ATP6V1H: variants seen among roughly 807,000 people sequenced by gnomAD.
The protein encoded by ATP6V1H is ATPase H+ transporting V1 subunit H.
In ATP6V1H, 39 loss-of-function variants were observed where a neutral mutation model predicts 71.7. The ratio of observed to expected loss-of-function variants is 0.54; its 90% CI spans 0.42 to 0.71. The LOEUF (loss-of-function observed/expected upper bound fraction) is 0.71. Ranked by LOEUF, ATP6V1H falls within the 30% of genes least tolerant of loss-of-function variation. The probability of loss-of-function intolerance (pLI) is 0.00; values close to 1 mark genes in which losing one functional copy is unlikely to be tolerated. For synonymous variants in ATP6V1H, 192 were observed against 199.3 expected, an observed-to-expected ratio of 0.96 and a Z score of 0.31; for missense variants, 509 against 594.9, an observed-to-expected ratio of 0.86 and a Z score of 1.50.
At chr8:53,774,451 TA>T (rs1744767186) in intron 9 of ATP6V1H, among the ~76,000 whole-genome samples, 1 of 152,230 alleles carries the variant, frequency 6.6e-6, no homozygotes, top group East Asian at 1.9e-4. Flanking sequence ...GATTCTGTGA[TA>T]TTTTCATCAG....
intron 13 of ATP6V1H, 57 bp from the exon 14 acceptor site, chr8:53,716,081 C>G (rs1585709477): frequency 1.4e-6 from 2 of 1,426,608 alleles, no homozygotes; most frequent in East Asian, 2.4e-5. Context: ...AGAATCACTT[C>G]CAAAATTGAA....
At chr8:53,778,971 A>G (rs1808995806) in intron 9 of ATP6V1H, among the ~76,000 whole-genome samples, 1 of 152,232 alleles carries the variant, frequency 6.6e-6, no homozygotes, top group Admixed American at 6.5e-5. Context: ...AGGATATTTC[A>G]CAATGATACA....
intron 4 of ATP6V1H, 129 bp downstream of exon 4, chr8:53,829,315 G>C (rs1028628650): frequency 1.6e-6 from 1 of 612,106 alleles, no homozygotes; most frequent in Non-Finnish European, 2.8e-6. Context: ...CCACATAAAT[G>C]AGAAAAATAT....
At chr8:53,840,622 T>C (rs1156386483) in intron 2 of ATP6V1H, among the ~76,000 whole-genome samples, 3 of 152,132 alleles carry the variant, frequency 2.0e-5, no homozygotes, top group African/African-American at 7.2e-5. Flanking sequence ...CCTGGAAAAA[T>C]GCCTCAAACT....
chr8:53,741,870 T>A (rs1304750046), intron 13 of ATP6V1H, among the ~76,000 whole-genome samples: 1 of 152,144 alleles, frequency 6.6e-6, no homozygotes, highest in Non-Finnish European at 1.5e-5. Context: ...CTACTTCTTA[T>A]CTCAATGTTT....
intron 12 of ATP6V1H, among the ~76,000 whole-genome samples, chr8:53,746,036 G>C (rs1364698011): frequency 6.6e-6 from 1 of 152,152 alleles, no homozygotes; most frequent in Admixed American, 6.5e-5. Context: ...AAATAGGACT[G>C]ATTAAAAACA....
In ATP6V1H at chr8:53,843,236, C is replaced by A. The variant is rs1811402813; in HGVS notation, c.-238G>T. 2 of 152,482 alleles carry A rather than the reference C, an allele frequency of 1.3e-5. No homozygotes were observed. The highest frequency in any genetic ancestry group is 3.9e-4 in the East Asian group (2 of 5,186). 9.4% of individuals were successfully genotyped at this position (152,482 alleles called of 1,614,324 possible). A position where few individuals can be genotyped will look rare whatever the true frequency, so the allele number is the denominator to read the frequency against. On this transcript the variant is annotated 5_prime_UTR_variant, in exon 1 of 14. Transcript: ENST00000359530. Reference sequence around the variant, plus strand: ...CACCAAGGAGACGTTGAGGGCCGCACAGGTAGAAGGAAGCCAGGGCGGCCG... The same window carrying A: ...CACCAAGGAGACGTTGAGGGCCGCAAAGGTAGAAGGAAGCCAGGGCGGCCG...
intron 13 of ATP6V1H, among the ~76,000 whole-genome samples, chr8:53,740,076 G>A (rs891208987): frequency 6.6e-6 from 1 of 152,118 alleles, no homozygotes; most frequent in Non-Finnish European, 1.5e-5. Flanking sequence ...AAATAAATAA[G>A]TATTTTCCCA....
At chr8:53,820,780 T>TAG (rs1162471591) in intron 4 of ATP6V1H, among the ~76,000 whole-genome samples, 2 of 150,740 alleles carry the variant, frequency 1.3e-5, no homozygotes, top group Non-Finnish European at 3.0e-5. Context: ...TCAGGAGTTC[T>TAG]AGACCAGCTT....
At chr8:53,804,656 A>G (rs1810021092) in intron 7 of ATP6V1H, among the ~76,000 whole-genome samples, 1 of 152,192 alleles carries the variant, frequency 6.6e-6, no homozygotes, top group Non-Finnish European at 1.5e-5. Context: ...CCTGGGCAAC[A>G]AAGTGACACC....
chr8:53,747,004 T>G (rs1451142407), intron 12 of ATP6V1H, among the ~76,000 whole-genome samples: 1 of 152,240 alleles, frequency 6.6e-6, no homozygotes, highest in Non-Finnish European at 1.5e-5. Context: ...CACTGGTACA[T>G]ACATTTAAAG....
chr8:53,832,253 C>G (rs1011366431), intron 3 of ATP6V1H: 1 of 152,028 alleles, frequency 6.6e-6, no homozygotes, highest in Non-Finnish European at 1.5e-5. Context: ...GAGAGGTATA[C>G]GCTAAGTGTA....
At chr8:53,793,083 T>A (rs1015532433) in intron 9 of ATP6V1H, among the ~76,000 whole-genome samples, 13 of 152,154 alleles carry the variant, frequency 8.5e-5, no homozygotes, top group African/African-American at 3.1e-4. Flanking sequence ...ACACATCAAA[T>A]TTTAAAATTT....
rs182993256 is a variant in ATP6V1H at position 53,764,550 on chromosome 8, A to G, written c.1175+5068T>C. On this transcript the variant is annotated intron_variant, in intron 11 of 13. Transcript: ENST00000359530. ...TTTATCAGATAAAGATGATGTGCAAAAAAAAAAATCTATAGTTAGTATCAT... is the reference window on the plus strand; with the variant it reads ...TTTATCAGATAAAGATGATGTGCAAGAAAAAAAATCTATAGTTAGTATCAT... 5.3e-5 allele frequency among the ~76,000 whole-genome samples: 8 copies of G among 152,212 alleles called. No individual in the cohort carries two copies. The East Asian group carries it at 1.5e-3, about 29-fold the overall frequency.
chr8:53,815,492 T>C (rs536017781), intron 5 of ATP6V1H, among the ~76,000 whole-genome samples: 2 of 152,334 alleles, frequency 1.3e-5, no homozygotes, highest in African/African-American at 4.8e-5. Context: ...TTTCCTGTGC[T>C]GGTAGACTCA....
intron 11 of ATP6V1H, among the ~76,000 whole-genome samples, chr8:53,768,602 A>C (rs1441403475): frequency 6.6e-6 from 1 of 152,204 alleles, no homozygotes; most frequent in Non-Finnish European, 1.5e-5. Context: ...TCATTCAACC[A>C]TAAAAAGGAA....
chr8:53,724,533 A>G (rs73682549), intron 13 of ATP6V1H, among the ~76,000 whole-genome samples: 21,283 of 150,738 alleles, frequency 0.14, 2,316 homozygotes, highest in East Asian at 0.41. Flanking sequence ...AAGTGTTGAG[A>G]GGCAACTTCC....
In ATP6V1H at chr8:53,771,997, C is replaced by T. The variant is rs1180599342; in HGVS notation, c.1041G>A (p.Gln347=). ...TAAAAAGAATAACACACCTAAGGTCCTGGACACTCTCTCCAAGTTTTTCCA... is the reference window on the plus strand; with the variant it reads ...TAAAAAGAATAACACACCTAAGGTCTTGGACACTCTCTCCAAGTTTTTCCA... ...FLLEKLGESV[Q]DLSSFDEYSS... is the part of the protein sequence containing the mutation. Residue 347 remains glutamine (Q), a synonymous_variant, in exon 10 of 14, where the codon CAG becomes CAA. Transcript: ENST00000359530. The T allele has an allele frequency of 1.2e-6, 2 of 1,613,522 alleles. No individual in the cohort carries two copies. The highest frequency in any genetic ancestry group is 1.7e-5 in the Admixed American group (1 of 60,004).
Position 53,788,391 on chromosome 8 carries a change from G to A in ATP6V1H, c.870+7256C>T, listed in dbSNP as rs572476762. Reference sequence around the variant, plus strand: ...AGTTTAAATGAGATTTTTAAATCTTGCTAAATATTAGTAACATATTCATGC... The same window carrying A: ...AGTTTAAATGAGATTTTTAAATCTTACTAAATATTAGTAACATATTCATGC... On this transcript the variant is annotated intron_variant, in intron 9 of 13. Coordinates refer to ENST00000359530, the MANE Select transcript of ATP6V1H (RefSeq NM_015941.4). Among the ~76,000 whole-genome samples, 322 of 152,084 alleles carry A rather than the reference G, an allele frequency of 2.1e-3. 1 individual carries two copies. The highest frequency in any genetic ancestry group is 7.3e-3 in the African/African-American group (303 of 41,496).
Sources: allele counts gnomAD v4.1 joint callset (sites outside exome capture counted in the v4.1 genomes callset), GRCh38; gene constraint gnomAD v4.1.1; transcripts MANE v1.5; gene names NCBI Gene and HGNC (gene_info 2026-07-23, HGNC 2026-07-21).